Variants in ARHGAP10 observed in about 807,000 individuals in gnomAD.
The protein encoded by ARHGAP10 is rho GTPase-activating protein 10.
A neutral mutation model predicts 108.6 loss-of-function variants in ARHGAP10; 87 were observed. That is an observed-to-expected ratio of 0.80 (90% CI 0.67 to 0.96). The LOEUF (loss-of-function observed/expected upper bound fraction) is 0.96, where lower values mean the gene tolerates loss of function less well. Ranked by LOEUF, ARHGAP10 falls within the 40% of genes least tolerant of loss-of-function variation. ARHGAP10 has a pLI of 0.00. For synonymous variants in ARHGAP10, 347 were observed against 341.1 expected, an observed-to-expected ratio of 1.02 and a Z score of -0.19; for missense variants, 939 against 954.5, an observed-to-expected ratio of 0.98 and a Z score of 0.21.
At chr4:148,064,242 T>G (rs1729757396) in intron 21 of ARHGAP10, among the ~76,000 whole-genome samples, 174 bp from the exon 22 acceptor site, 1 of 152,162 alleles carries the variant, frequency 6.6e-6, no homozygotes, top group Non-Finnish European at 1.5e-5. Context: ...ATCATTTACT[T>G]GAAAATCAAG....
chr4:147,908,331 C>T (rs1736585163), intron 11 of ARHGAP10, among the ~76,000 whole-genome samples: 2 of 151,874 alleles, frequency 1.3e-5, no homozygotes, highest in African/African-American at 4.8e-5. Context: ...CATTAAAATA[C>T]AGAAAAAAAA....
chr4:147,878,240 C>T (rs903766816), intron 8 of ARHGAP10, among the ~76,000 whole-genome samples: 3 of 152,226 alleles, frequency 2.0e-5, no homozygotes, highest in Non-Finnish European at 2.9e-5. Context: ...GGACTACAGG[C>T]GCGTGCCACC....
intron 18 of ARHGAP10, among the ~76,000 whole-genome samples, chr4:147,985,345 C>T (rs1739997422): frequency 6.6e-6 from 1 of 151,904 alleles, no homozygotes; most frequent in African/African-American, 2.4e-5. Context: ...GGAAATCTGC[C>T]TGGGGGTGGA....
intron 3 of ARHGAP10, among the ~76,000 whole-genome samples, chr4:147,827,865 G>A (rs1270038646): frequency 6.6e-6 from 1 of 152,114 alleles, no homozygotes; most frequent in African/African-American, 2.4e-5. Flanking sequence ...GAGTGCAGTG[G>A]TGCAATCTCA....
intron 18 of ARHGAP10, among the ~76,000 whole-genome samples, chr4:147,999,090 A>AG (rs1740592603): frequency 6.6e-6 from 1 of 152,246 alleles, no homozygotes; most frequent in Non-Finnish European, 1.5e-5. Flanking sequence ...TGGATTTCCT[A>AG]GGTGGACTAA....
At chr4:148,069,234 G>A (rs1325156965) in intron 22 of ARHGAP10, among the ~76,000 whole-genome samples, 1 of 152,174 alleles carries the variant, frequency 6.6e-6, no homozygotes, top group Non-Finnish European at 1.5e-5. Context: ...TCCTGTGCTT[G>A]GGGATGCCTT....
chr4:148,012,471 T>G (rs549740430), intron 18 of ARHGAP10, among the ~76,000 whole-genome samples: 2 of 152,364 alleles, frequency 1.3e-5, no homozygotes, highest in Non-Finnish European at 2.9e-5. Flanking sequence ...CCAGTATGTG[T>G]GACCTCCACA....
chr4:147,751,186 A>G (rs1729129686), intron 1 of ARHGAP10, among the ~76,000 whole-genome samples: 1 of 150,712 alleles, frequency 6.6e-6, no homozygotes, highest in Non-Finnish European at 1.5e-5. Context: ...CTCAAAACCA[A>G]AAACAAAAAA....
At chr4:148,020,980 A>G (rs112292756) in intron 18 of ARHGAP10, among the ~76,000 whole-genome samples, 144 of 152,334 alleles carry the variant, frequency 9.5e-4, no homozygotes, top group African/African-American at 2.3e-3. Flanking sequence ...TAGAATACCT[A>G]TATCTAAATC....
chr4:147,856,912 G>C (rs1244048876), intron 4 of ARHGAP10, among the ~76,000 whole-genome samples: 1 of 152,200 alleles, frequency 6.6e-6, no homozygotes, highest in Non-Finnish European at 1.5e-5. Flanking sequence ...GAGTGCAGTG[G>C]TGTGATCTCG....
At chr4:147,802,811 C>T (rs991099163) in intron 1 of ARHGAP10, among the ~76,000 whole-genome samples, 1 of 152,206 alleles carries the variant, frequency 6.6e-6, no homozygotes. Context: ...ATCTTGAAGA[C>T]TCCTTATCCT....
Position 148,058,129 on chromosome 4 carries a change from A to G in ARHGAP10, c.2028-5019A>G, listed in dbSNP as rs139320056. Reference sequence around the variant, plus strand: ...TTTTCCCATAATATACAGATCTACAATATTTCCTTCTGTCTTTATTAACAT... The same window carrying G: ...TTTTCCCATAATATACAGATCTACAGTATTTCCTTCTGTCTTTATTAACAT... On this transcript the variant is annotated intron_variant, in intron 20 of 22. Transcript: ENST00000336498. 2.0e-5 allele frequency among the ~76,000 whole-genome samples: 3 copies of G among 151,592 alleles called. No homozygotes were observed. The East Asian group carries it at 5.8e-4, about 29-fold the overall frequency.
chr4:147,755,568 A>G (rs1357920076), intron 1 of ARHGAP10, among the ~76,000 whole-genome samples: 1 of 152,200 alleles, frequency 6.6e-6, no homozygotes, highest in Non-Finnish European at 1.5e-5. Flanking sequence ...TGTTATCAAG[A>G]AGAAAGAGAG....
At chr4:147,953,004 T>G (rs562212578) in intron 15 of ARHGAP10, among the ~76,000 whole-genome samples, 1 of 152,138 alleles carries the variant, frequency 6.6e-6, no homozygotes, top group South Asian at 2.1e-4. Context: ...TTTGTAGGAG[T>G]GGCTATTTCT....
chr4:147,915,810 A>C (rs147221950), intron 13 of ARHGAP10, among the ~76,000 whole-genome samples: 19 of 152,282 alleles, frequency 1.2e-4, no homozygotes, highest in African/African-American at 4.1e-4. Context: ...TATTATTGAA[A>C]ATGATGAGGA....
At chr4:147,780,152 TAAA>T (rs970488663) in intron 1 of ARHGAP10, among the ~76,000 whole-genome samples, 13 of 152,168 alleles carry the variant, frequency 8.5e-5, no homozygotes, top group Admixed American at 5.9e-4. Flanking sequence ...ATTATAAAAT[TAAA>T]AATCTGTGAG....
At chr4:148,014,313 T>A (rs776776702) in intron 18 of ARHGAP10, among the ~76,000 whole-genome samples, 1 of 152,184 alleles carries the variant, frequency 6.6e-6, no homozygotes, top group Non-Finnish European at 1.5e-5. Flanking sequence ...GGAAGTGTAT[T>A]CTTCTGACTT....
At chr4:147,766,614 A>T (rs1450403429) in intron 1 of ARHGAP10, among the ~76,000 whole-genome samples, 1 of 141,216 alleles carries the variant, frequency 7.1e-6, no homozygotes, top group East Asian at 2.5e-4. Context: ...GTATATGTGT[A>T]TGTATACACA....
At chr4:147,818,320 CTT>C (rs926680938) in intron 1 of ARHGAP10, among the ~76,000 whole-genome samples, 2 of 151,978 alleles carry the variant, frequency 1.3e-5, no homozygotes, top group Non-Finnish European at 2.9e-5. Flanking sequence ...AATCCCATCA[CTT>C]TGGGAGGCCG....
Sources: allele counts gnomAD v4.1 joint callset (sites outside exome capture counted in the v4.1 genomes callset), GRCh38; gene constraint gnomAD v4.1.1; transcripts MANE v1.5; gene names NCBI Gene and HGNC (gene_info 2026-07-23, HGNC 2026-07-21).